Variants in RBPMS observed in about 807,000 individuals in gnomAD.
RBPMS encodes the protein RNA-binding protein with multiple splicing.
Under a neutral mutation model 26.8 loss-of-function variants are expected in RBPMS, and 7 were observed. The observed-to-expected ratio is 0.26, with a 90% CI of 0.15 to 0.49. The LOEUF (loss-of-function observed/expected upper bound fraction) is 0.49. Among genes scored for constraint, RBPMS ranks in the 20% least tolerant of loss-of-function variants. The pLI, the probability that RBPMS is intolerant of heterozygous loss-of-function variation, is 0.98. For synonymous variants in RBPMS, 96 were observed against 93.3 expected, an observed-to-expected ratio of 1.03 and a Z score of -0.17; for missense variants, 186 against 250.0, an observed-to-expected ratio of 0.74 and a Z score of 1.73.
intron 6 of RBPMS, chr8:30,553,020 TC>T: frequency 6.6e-6 from 1 of 152,386 alleles, no homozygotes; most frequent in Non-Finnish European, 1.5e-5. Context: ...TCACCTCTTT[TC>T]CAGCTGTTGG....
chr8:30,462,712 C>T (rs1266850794), intron 1 of RBPMS, among the ~76,000 whole-genome samples: 1 of 152,090 alleles, frequency 6.6e-6, no homozygotes, highest in Non-Finnish European at 1.5e-5. Flanking sequence ...CAGACGTGAG[C>T]CACTGTGCCT....
intron 5 of RBPMS, among the ~76,000 whole-genome samples, chr8:30,536,712 C>CT (rs1268301794): frequency 6.6e-6 from 1 of 152,114 alleles, no homozygotes; most frequent in Non-Finnish European, 1.5e-5. Context: ...TCCTGAAACA[C>CT]TTTTTTTATG....
Position 30,537,936 on chromosome 8 carries a change from TA to T in RBPMS, c.398-6556del, listed in dbSNP as rs74731746. Among the ~76,000 whole-genome samples, 69 of 152,294 alleles carry T rather than the reference TA, an allele frequency of 4.5e-4. 1 individual carries two copies. The East Asian group carries it at 0.011, about 23-fold the overall frequency. ...AAGGGATAAAGGAAAGTATTGGAGG[TA>T]AGAAGAGGAATTGGTTTATGAGTGA... is the stretch of plus-strand genomic sequence containing the variant. On this transcript the variant is annotated intron_variant, in intron 5 of 8. Coordinates refer to ENST00000397323, the MANE Select transcript of RBPMS (RefSeq NM_001008710.3).
intron 1 of RBPMS, among the ~76,000 whole-genome samples, chr8:30,409,839 G>A (rs1809095183): frequency 6.6e-6 from 1 of 151,688 alleles, no homozygotes; most frequent in South Asian, 2.1e-4. Context: ...CACCACGTTG[G>A]CCAGGCTGGT....
At chr8:30,433,168 C>T (rs892606377) in intron 1 of RBPMS, among the ~76,000 whole-genome samples, 2 of 152,184 alleles carry the variant, frequency 1.3e-5, no homozygotes, top group African/African-American at 4.8e-5. Context: ...CTGACCCAAA[C>T]GTGAACTTTC....
At chr8:30,500,184 G>C (rs1347188559) in intron 4 of RBPMS, among the ~76,000 whole-genome samples, 1 of 152,018 alleles carries the variant, frequency 6.6e-6, no homozygotes, top group Non-Finnish European at 1.5e-5. Flanking sequence ...ACAAAAGTCT[G>C]TGCCCTCTCT....
intron 7 of RBPMS, chr8:30,561,875 C>T: frequency 1.0e-6 from 1 of 985,136 alleles, no homozygotes; most frequent in Non-Finnish European, 1.2e-6. Flanking sequence ...TGCGTGGGTT[C>T]CAGTGACAGA....
chr8:30,461,646 T>C (rs1400105632), intron 1 of RBPMS, among the ~76,000 whole-genome samples: 3 of 152,146 alleles, frequency 2.0e-5, no homozygotes, highest in Non-Finnish European at 4.4e-5. Flanking sequence ...CCACCCGCCT[T>C]GACCTCCCAA....
At chr8:30,508,352 C>A (rs537710414) in intron 5 of RBPMS, among the ~76,000 whole-genome samples, 1 of 152,202 alleles carries the variant, frequency 6.6e-6, no homozygotes, top group Non-Finnish European at 1.5e-5. Context: ...AAATACAATA[C>A]ATCAAGTGAT....
intron 6 of RBPMS, chr8:30,553,581 T>C (rs1047057009): frequency 6.6e-6 from 1 of 152,146 alleles, no homozygotes; most frequent in Non-Finnish European, 1.5e-5. Flanking sequence ...TGATGGTAGG[T>C]AGTCACTGTG....
At chr8:30,516,636 GAAATTAAACAAAAATTTTTTAAT>G (rs1007623590) in intron 5 of RBPMS, among the ~76,000 whole-genome samples, 2 of 152,058 alleles carry the variant, frequency 1.3e-5, no homozygotes, top group African/African-American at 4.8e-5. Context: ...AAGAAATGTG[GAAATTAAACAAAAATTTTTTAAT>G]ACAAAGATGT....
At position 30,569,422 on chromosome 8, in the gene RBPMS, A is replaced by G. The variant is rs1308556085; in HGVS notation, c.*112-1215A>G. On this transcript the variant is annotated intron_variant, in intron 8 of 8. Transcript: ENST00000397323. ...AGGAGCTCAGAGGAGGAAGCCCTTA[A>G]GATCTCCAGAGGCATGAGTTCTGAA... 2.6e-5 allele frequency among the ~76,000 whole-genome samples: 4 copies of G among 152,338 alleles called. No individual in the cohort carries two copies. The East Asian group carries it at 7.7e-4, about 29-fold the overall frequency.
intron 7 of RBPMS, among the ~76,000 whole-genome samples, chr8:30,559,264 T>C (rs898546686): frequency 2.0e-5 from 3 of 152,238 alleles, no homozygotes; most frequent in Non-Finnish European, 4.4e-5. Flanking sequence ...TATTACCTAA[T>C]TGTAGTTCAC....
intron 1 of RBPMS, among the ~76,000 whole-genome samples, chr8:30,470,618 A>G (rs774756120): frequency 6.6e-6 from 1 of 152,186 alleles, no homozygotes; most frequent in Non-Finnish European, 1.5e-5. Context: ...CCCCTTGTCA[A>G]TCTATTCTAC....
chr8:30,414,229 A>G (rs999043959), intron 1 of RBPMS, among the ~76,000 whole-genome samples: 1 of 151,926 alleles, frequency 6.6e-6, no homozygotes, highest in South Asian at 2.1e-4. Context: ...TCGCCAGGGC[A>G]GATAGCTTGT....
intron 7 of RBPMS, chr8:30,562,081 A>G: frequency 3.1e-6 from 3 of 977,182 alleles, no homozygotes; most frequent in Non-Finnish European, 3.6e-6. Context: ...CTGTCATCCC[A>G]GCACTTTGGG....
intron 5 of RBPMS, among the ~76,000 whole-genome samples, chr8:30,525,287 T>G (rs1002522258): frequency 1.3e-5 from 2 of 152,206 alleles, no homozygotes; most frequent in African/African-American, 4.8e-5. Flanking sequence ...AAAAGAGATA[T>G]GCAAACAGGA....
intron 5 of RBPMS, among the ~76,000 whole-genome samples, chr8:30,512,039 T>A (rs1454135172): frequency 6.6e-6 from 1 of 152,090 alleles, no homozygotes; most frequent in Non-Finnish European, 1.5e-5. Context: ...AAATTTTCAG[T>A]CCACGTTAAG....
At chr8:30,548,145 T>C (rs1379256218) in intron 6 of RBPMS, among the ~76,000 whole-genome samples, 1 of 152,260 alleles carries the variant, frequency 6.6e-6, no homozygotes, top group Non-Finnish European at 1.5e-5. Flanking sequence ...TCCAGTTTAC[T>C]TTCAAGGTCA....
Sources: allele counts gnomAD v4.1 joint callset (sites outside exome capture counted in the v4.1 genomes callset), GRCh38; gene constraint gnomAD v4.1.1; transcripts MANE v1.5; gene names NCBI Gene and HGNC (gene_info 2026-07-23, HGNC 2026-07-21).